PLSCR4: variants seen among roughly 807,000 people sequenced by gnomAD.
PLSCR4 encodes phospholipid scramblase 4.
Under a neutral mutation model 36.3 loss-of-function variants are expected in PLSCR4, and 25 were observed. The ratio of observed to expected loss-of-function variants is 0.69; its 90% CI spans 0.50 to 0.96. PLSCR4 has a LOEUF of 0.96. Among genes scored for constraint, PLSCR4 ranks in the 40% least tolerant of loss-of-function variants. The pLI, the probability that PLSCR4 is intolerant of heterozygous loss-of-function variation, is 0.00. For missense variants in PLSCR4, 408 were observed against 414.7 expected, an observed-to-expected ratio of 0.98 and a Z score of 0.14; for synonymous variants, 122 against 132.9, an observed-to-expected ratio of 0.92 and a Z score of 0.56.
chr3:146,197,505 T>C lies in PLSCR4; in HGVS notation c.625-712A>G, dbSNP rs368527405. ...TAAAATCAAATCTCAGACATGAAAATTATAACAGAAAACAAAAAAGAGGCA... is the reference window on the plus strand; with the variant it reads ...TAAAATCAAATCTCAGACATGAAAACTATAACAGAAAACAAAAAAGAGGCA... On this transcript the variant is annotated intron_variant, in intron 6 of 8. Coordinates refer to ENST00000354952, the MANE Select transcript of PLSCR4 (RefSeq NM_020353.3). Among the ~76,000 whole-genome samples the C allele has an allele frequency of 1.2e-4, 18 of 152,210 alleles. No individual in the cohort carries two copies. In the South Asian group the frequency reaches 3.1e-3, roughly 26 times the overall value.
intron 3 of PLSCR4, among the ~76,000 whole-genome samples, chr3:146,207,407 C>T (rs6766764): frequency 0.047 from 7,194 of 152,146 alleles, 198 homozygotes; most frequent in South Asian, 0.072. Context: ...GTGGCTTAAA[C>T]AACAAGCATT....
At chr3:146,210,828 A>G (rs1029394059) in intron 3 of PLSCR4, among the ~76,000 whole-genome samples, 1 of 146,704 alleles carries the variant, frequency 6.8e-6, no homozygotes, top group Non-Finnish European at 1.5e-5. Flanking sequence ...ATGAAAACAT[A>G]CAATAGGCCT....
At chr3:146,219,473 G>T (rs945684674) in intron 3 of PLSCR4, among the ~76,000 whole-genome samples, 1 of 152,102 alleles carries the variant, frequency 6.6e-6, no homozygotes, top group Non-Finnish European at 1.5e-5. Context: ...TTTAGGAAAG[G>T]TTGCGCTATT....
Position 146,206,780 on chromosome 3 carries a change from A to T in PLSCR4, c.119-19T>A. ...GGGGGTCCTGTGTTCAAAAGAAATCAAAGTGTTATATATTATTAACACTAA... is the reference window on the plus strand; with the variant it reads ...GGGGGTCCTGTGTTCAAAAGAAATCTAAGTGTTATATATTATTAACACTAA... On this transcript the variant is annotated intron_variant, in intron 3 of 8. Transcript: ENST00000354952. 1 of 1,460,954 alleles carries T rather than the reference A, an allele frequency of 6.8e-7. No homozygotes were observed. The highest frequency in any genetic ancestry group is 1.2e-5 in the South Asian group (1 of 82,354). The allele number at this position is 1,460,954 out of a possible 1,614,324, so 90.5% of individuals were successfully genotyped here. A position where few individuals can be genotyped will look rare whatever the true frequency, so the allele number is the denominator to read the frequency against.
rs60242461 is a variant in PLSCR4, at chr3:146,213,334, C to CTTTTTTTTTTTTTT, written c.119-6587_119-6574dup. Among the ~76,000 whole-genome samples, 38 of 125,506 alleles carry CTTTTTTTTTTTTTT rather than the reference C, an allele frequency of 3.0e-4. 2 individuals carry two copies. The highest frequency in any genetic ancestry group is 7.2e-4 in the East Asian group (3 of 4,180). 82.3% of individuals were successfully genotyped at this position (125,506 alleles called of 152,430 possible). Reference sequence around the variant, plus strand: ...TTCATGCAGCATTTAGTAAAATTTCCTTTTTTTTTTTTTTTTGTGATGTAG... The same window carrying CTTTTTTTTTTTTTT: ...TTCATGCAGCATTTAGTAAAATTTCCTTTTTTTTTTTTTTTTTTTTTTTTTTTTTTGTGATGTAG... On this transcript the variant is annotated intron_variant, in intron 3 of 8. Transcript: ENST00000354952.
intron 1 of PLSCR4, among the ~76,000 whole-genome samples, chr3:146,243,456 AT>A (rs2036229524): frequency 6.6e-6 from 1 of 152,202 alleles, no homozygotes; most frequent in African/African-American, 2.4e-5. Flanking sequence ...TTAAGAAAAG[AT>A]TATAATATTC....
chr3:146,220,044 C>T (rs539136647), intron 3 of PLSCR4, among the ~76,000 whole-genome samples: 20 of 152,158 alleles, frequency 1.3e-4, no homozygotes, highest in South Asian at 1.0e-3. Context: ...TCTAAATATA[C>T]GCTTAAATAT....
chr3:146,210,150 TAA>T (rs896619967), intron 3 of PLSCR4, among the ~76,000 whole-genome samples: 1 of 152,124 alleles, frequency 6.6e-6, no homozygotes, highest in Non-Finnish European at 1.5e-5. Flanking sequence ...AATGCTAATA[TAA>T]ATTGTTTTTG....
intron 1 of PLSCR4, among the ~76,000 whole-genome samples, chr3:146,248,201 G>A (rs180775649): frequency 6.6e-6 from 1 of 152,042 alleles, no homozygotes; most frequent in Admixed American, 6.5e-5. Flanking sequence ...AGCTGAAAGA[G>A]GACACTTATA....
chr3:146,198,090 C>G (rs1559897431), intron 6 of PLSCR4, among the ~76,000 whole-genome samples: 1 of 152,040 alleles, frequency 6.6e-6, no homozygotes, highest in Non-Finnish European at 1.5e-5. Flanking sequence ...AAGTTACATA[C>G]TATATGATTC....
intron 1 of PLSCR4, among the ~76,000 whole-genome samples, chr3:146,243,238 C>CTCT (rs2036218616): frequency 6.6e-6 from 1 of 151,430 alleles, no homozygotes; most frequent in African/African-American, 2.4e-5. Flanking sequence ...CTGTATACAT[C>CTCT]TTTTTTTTTA....
In PLSCR4 at chr3:146,196,714, A is replaced by G. The variant is rs1338126678; in HGVS notation, c.704T>C (p.Ile235Thr). 30 of 1,613,966 alleles carry G rather than the reference A, an allele frequency of 1.9e-5. No homozygotes were observed. Among genetic ancestry groups the G allele is most frequent in the Non-Finnish European group, 2.5e-5 (30 of 1,179,910 alleles). ...HWNLCRAVYS[I>T]QNEKKENVMR... ...CACATTTTCTTTCTTCTCATTTTGG[A>G]TGCTGTACACCGCCCTGCACAGGTT... The change falls in exon 7 of 9, where the codon ATC becomes ACC. Residue 235 changes from isoleucine (I) to threonine (T), a missense_variant. Ile to Thr is a moderately conservative substitution (Grantham distance 89). Coordinates refer to ENST00000354952, the MANE Select transcript of PLSCR4 (RefSeq NM_020353.3).
chr3:146,203,053 T>C (rs188837726), intron 4 of PLSCR4, among the ~76,000 whole-genome samples: 2 of 152,140 alleles, frequency 1.3e-5, no homozygotes, highest in East Asian at 1.9e-4. Context: ...AAACACCTGT[T>C]AATGCTGATA....
intron 4 of PLSCR4, among the ~76,000 whole-genome samples, chr3:146,201,323 C>G (rs1249546510): frequency 1.3e-5 from 2 of 152,050 alleles, no homozygotes; most frequent in Non-Finnish European, 2.9e-5. Flanking sequence ...AAAAAGTTGT[C>G]TGCTATATCA....
rs962524051 is a variant in PLSCR4 at position 146,194,552 on chromosome 3, C to T, written c.946-97G>A. The T allele has an allele frequency of 3.8e-5, 28 of 742,534 alleles. No homozygotes were observed. The South Asian group carries it at 5.1e-4, about 13-fold the overall frequency. The allele number at this position is 742,534 out of a possible 1,614,324, so 46.0% of individuals were successfully genotyped here. A position where few individuals can be genotyped will look rare whatever the true frequency, so the allele number is the denominator to read the frequency against. Reference sequence around the variant, plus strand: ...TAATTTATTAGGGGATTCCCCCATTCCAGTTAAAATACATAAATTTAGGGA... The same window carrying T: ...TAATTTATTAGGGGATTCCCCCATTTCAGTTAAAATACATAAATTTAGGGA... On this transcript the variant is annotated intron_variant, in intron 8 of 8. Coordinates refer to ENST00000354952, the MANE Select transcript of PLSCR4 (RefSeq NM_020353.3).
chr3:146,200,972 A>G, intron 5 of PLSCR4, 63 bp downstream of exon 5: 1 of 1,059,464 alleles, frequency 9.4e-7, no homozygotes, highest in Non-Finnish European at 1.4e-6. Flanking sequence ...GGAACTAGAT[A>G]TTGGATAATG....
At chr3:146,249,115 C>T (rs1420426186) in intron 1 of PLSCR4, among the ~76,000 whole-genome samples, 2 of 151,788 alleles carry the variant, frequency 1.3e-5, no homozygotes, top group Admixed American at 6.6e-5. Flanking sequence ...TTTCTATTAA[C>T]AATGTCCGCA....
intron 3 of PLSCR4, among the ~76,000 whole-genome samples, chr3:146,210,096 C>A (rs1036014268): frequency 6.6e-6 from 1 of 152,060 alleles, no homozygotes; most frequent in Non-Finnish European, 1.5e-5. Context: ...CTCCCATATA[C>A]TTTAAATGAT....
In PLSCR4 at chr3:146,199,942, C is replaced by A. The variant is rs371509221; in HGVS notation, c.495G>T (p.Arg165Ser). The A allele has an allele frequency of 6.2e-7, 1 of 1,613,376 alleles. No homozygotes were observed. Among genetic ancestry groups the A allele is most frequent in the Non-Finnish European group, 8.5e-7 (1 of 1,179,652 alleles). ...IVTEDTDDFT[R>S]NAYRTLRPFV... ...AGGGCCTTAGTGTCCGATAGGCATT[C>A]CTGGTAAAGTCATCTGTGTCTTCGG... The change falls in exon 6 of 9, where the codon AGG becomes AGT. Residue 165 changes from arginine (R) to serine (S), a missense_variant. By Grantham distance (110) the Arg-to-Ser change is moderately radical (BLOSUM62 -1). Transcript: ENST00000354952.
Sources: allele counts gnomAD v4.1 joint callset (sites outside exome capture counted in the v4.1 genomes callset), GRCh38; gene constraint gnomAD v4.1.1; transcripts MANE v1.5; gene names NCBI Gene and HGNC (gene_info 2026-07-23, HGNC 2026-07-21).